The following PPM1E variants were observed in gnomAD, a reference collection of about 807,000 sequenced individuals.
PPM1E encodes the protein protein phosphatase 1E.
In PPM1E, 20 loss-of-function variants were observed where a neutral mutation model predicts 65.9. That is an observed-to-expected ratio of 0.30 (90% CI 0.21 to 0.44). The LOEUF is 0.44. PPM1E is among the 20% of genes least tolerant of loss of function. The pLI is 1.00. For synonymous variants in PPM1E, 352 were observed against 374.9 expected, an observed-to-expected ratio of 0.94 and a Z score of 0.70; for missense variants, 713 against 953.1, an observed-to-expected ratio of 0.75 and a Z score of 3.32.
intron 1 of PPM1E, among the ~76,000 whole-genome samples, chr17:58,786,000 A>T (rs1366652866): frequency 1.3e-5 from 2 of 149,328 alleles, no homozygotes; most frequent in Non-Finnish European, 3.0e-5. Context: ...GAAATCAAGA[A>T]CTTTCACCTT....
At chr17:58,979,260 A>G (rs1017743449) in intron 6 of PPM1E, among the ~76,000 whole-genome samples, 3 of 152,222 alleles carry the variant, frequency 2.0e-5, no homozygotes, top group Non-Finnish European at 2.9e-5. Flanking sequence ...AAAAATGGCC[A>G]TACATTTTGT....
chr17:58,756,299 G>A lies in PPM1E; in HGVS notation c.302G>A (p.Gly101Asp). ...GTTGAGGGTGAGGAGGAGGAGGAGG[G>A]CGCGGCGACGGCGGCGGCAGCCCCG... is the stretch of plus-strand genomic sequence containing the variant. ...AAVEGEEEEE[G>D]AATAAAAPGH... is the part of the protein sequence containing the mutation. Residue 101 changes from glycine to aspartate, a missense_variant, in exon 1 of 7, where the codon GGC becomes GAC. Physicochemically the swap from Gly to Asp is moderately conservative, Grantham distance 94 (BLOSUM62 -1). This residue lies in a region of PPM1E where 212 missense variants were observed against 204.0 expected (regional missense o/e 1.04). Coordinates refer to ENST00000308249, the MANE Select transcript of PPM1E (RefSeq NM_014906.5). 2 of 1,517,484 alleles carry A rather than the reference G, an allele frequency of 1.3e-6. No individual in the cohort carries two copies. Among genetic ancestry groups the A allele is most frequent in the South Asian group, 2.5e-5 (2 of 79,886 alleles). The allele number at this position is 1,517,484 out of a possible 1,614,324, so 94.0% of individuals were successfully genotyped here.
At chr17:58,811,340 AAATGGGTGAACT>A (rs1329235897) in intron 1 of PPM1E, among the ~76,000 whole-genome samples, 3 of 152,248 alleles carry the variant, frequency 2.0e-5, no homozygotes, top group African/African-American at 7.2e-5. Flanking sequence ...CATTAGGGAA[AAATGGGTGAACT>A]AATATATCTG....
At chr17:58,962,055 C>G (rs1449346815) in intron 2 of PPM1E, among the ~76,000 whole-genome samples, 3 of 152,008 alleles carry the variant, frequency 2.0e-5, no homozygotes, top group Non-Finnish European at 2.9e-5. Flanking sequence ...GAGGCCAAGG[C>G]GAGTGGATCA....
At chr17:58,947,260 A>G (rs1233308656) in intron 1 of PPM1E, among the ~76,000 whole-genome samples, 1 of 102,898 alleles carries the variant, frequency 9.7e-6, no homozygotes, top group Non-Finnish European at 1.8e-5. Flanking sequence ...TTTTTTTGAG[A>G]CAGTCTTGCT....
intron 1 of PPM1E, among the ~76,000 whole-genome samples, chr17:58,779,498 T>G (rs1165601694): frequency 6.6e-6 from 1 of 152,150 alleles, no homozygotes; most frequent in Non-Finnish European, 1.5e-5. Context: ...TCTGTTGTAT[T>G]TTATTCTTTA....
At chr17:58,841,094 C>T (rs995496175) in intron 1 of PPM1E, among the ~76,000 whole-genome samples, 3 of 152,144 alleles carry the variant, frequency 2.0e-5, no homozygotes, top group Non-Finnish European at 4.4e-5. Context: ...GGGGCACCCC[C>T]CTTGTTGTTG....
intron 1 of PPM1E, among the ~76,000 whole-genome samples, chr17:58,832,577 A>AT (rs2050616261): frequency 6.6e-6 from 1 of 152,156 alleles, no homozygotes; most frequent in South Asian, 2.1e-4. Context: ...TAGGTTGAGA[A>AT]TTAAGATGTT....
At chr17:58,805,610 TATAG>T (rs1307659566) in intron 1 of PPM1E, among the ~76,000 whole-genome samples, 1 of 152,128 alleles carries the variant, frequency 6.6e-6, no homozygotes, top group Non-Finnish European at 1.5e-5. Context: ...ATTATCATTA[TATAG>T]ATACACAGAT....
chr17:58,920,477 T>A (rs971789705), intron 1 of PPM1E, among the ~76,000 whole-genome samples: 2 of 152,188 alleles, frequency 1.3e-5, no homozygotes, highest in African/African-American at 2.4e-5. Flanking sequence ...CCCTGTAGTA[T>A]ATGGACTTCA....
intron 1 of PPM1E, among the ~76,000 whole-genome samples, chr17:58,768,181 G>A (rs1598558254): frequency 6.6e-6 from 1 of 152,056 alleles, no homozygotes; most frequent in Middle Eastern, 3.4e-3. Flanking sequence ...CAAACTCCTG[G>A]CCTCAAGTGA....
chr17:58,897,713 T>C (rs1018689475), intron 1 of PPM1E: 1 of 152,244 alleles, frequency 6.6e-6, no homozygotes, highest in Non-Finnish European at 1.5e-5. Flanking sequence ...ATTTGTGCTT[T>C]GCCACTGCTG....
chr17:58,867,539 G>A lies in PPM1E; in HGVS notation c.465-88110G>A, dbSNP rs190075288. Among the ~76,000 whole-genome samples the A allele has an allele frequency of 3.0e-3, 450 of 152,216 alleles. 3 individuals are homozygous for A. The highest frequency in any genetic ancestry group is 7.9e-3 in the Admixed American group (121 of 15,286). On this transcript the variant is annotated intron_variant, in intron 1 of 6. Transcript: ENST00000308249. ...TTAGAGGGTATTGCTTAAGGTTTGGGACAGGTTTTGATGGATCTATCTGGA... is the reference window on the plus strand; with the variant it reads ...TTAGAGGGTATTGCTTAAGGTTTGGAACAGGTTTTGATGGATCTATCTGGA...
intron 1 of PPM1E, among the ~76,000 whole-genome samples, chr17:58,796,732 A>G (rs750949872): frequency 4.6e-5 from 7 of 152,192 alleles, no homozygotes; most frequent in Non-Finnish European, 8.8e-5. Flanking sequence ...TTCTACAATT[A>G]ATGTTTTACT....
At chr17:58,864,752 A>T (rs1009499085) in intron 1 of PPM1E, among the ~76,000 whole-genome samples, 5 of 151,522 alleles carry the variant, frequency 3.3e-5, no homozygotes, top group Non-Finnish European at 7.4e-5. Flanking sequence ...CCTGACCAAC[A>T]TGGTGAAACC....
At chr17:58,902,423 T>C (rs1304680507) in intron 1 of PPM1E, among the ~76,000 whole-genome samples, 1 of 152,182 alleles carries the variant, frequency 6.6e-6, no homozygotes, top group Non-Finnish European at 1.5e-5. Context: ...TATGGGTGGA[T>C]TTAGGATGCT....
chr17:58,969,709 G>A lies in PPM1E; in HGVS notation c.954G>A (p.Val318=). 3 of 1,614,136 alleles carry A rather than the reference G, an allele frequency of 1.9e-6. No individual in the cohort carries two copies. Among genetic ancestry groups the A allele is most frequent in the Admixed American group, 1.7e-5 (1 of 60,018 alleles). Residue 318 remains valine, a synonymous_variant, in exon 4 of 7, where the codon GTG becomes GTA. Transcript: ENST00000308249. ...RAFRVTDERF[V]QKAARESLRC... ...TCCGGGTCACTGATGAGCGGTTTGTGCAGAAAGCAGCCAGGGAGGTATGCC... is the reference window on the plus strand; with the variant it reads ...TCCGGGTCACTGATGAGCGGTTTGTACAGAAAGCAGCCAGGGAGGTATGCC...
At chr17:58,817,982 A>C (rs900075102) in intron 1 of PPM1E, among the ~76,000 whole-genome samples, 3 of 151,624 alleles carry the variant, frequency 2.0e-5, no homozygotes, top group Non-Finnish European at 4.4e-5. Context: ...CTCGTGATCC[A>C]CCCGCCTCGG....
chr17:58,858,867 A>G, intron 1 of PPM1E, among the ~76,000 whole-genome samples: 1 of 152,216 alleles, frequency 6.6e-6, no homozygotes, highest in East Asian at 1.9e-4. Context: ...GCTGGATCAT[A>G]TGGTAGTTCT....
Sources: allele counts gnomAD v4.1 joint callset (sites outside exome capture counted in the v4.1 genomes callset), GRCh38; gene constraint gnomAD v4.1.1; regional missense constraint gnomAD v4.1.1; transcripts MANE v1.5; gene names NCBI Gene and HGNC (gene_info 2026-07-23, HGNC 2026-07-21).